Variants in MYO1E observed in about 807,000 individuals in gnomAD.
The protein encoded by MYO1E is myosin IE, also known as unconventional myosin-Ie.
MYO1E carries 68 observed loss-of-function variants against 151.1 expected under a neutral mutation model. The ratio of observed to expected loss-of-function variants is 0.45; its 90% confidence interval spans 0.37 to 0.55. The LOEUF is 0.55. MYO1E is among the 20% of genes least tolerant of loss of function. MYO1E has a pLI of 0.00. For synonymous variants in MYO1E, 601 were observed against 501.7 expected (o/e 1.20, Z -2.64); for missense variants, 1,363 against 1,389.3 (o/e 0.98, Z 0.30).
At chr15:59,160,714 G>A (rs575826693) in intron 24 of MYO1E, among the ~76,000 whole-genome samples, 24 of 152,040 alleles carry the variant, frequency 1.6e-4, no homozygotes, top group African/African-American at 4.8e-4. Context: ...CCACCACGCC[G>A]GGCCCAGTCA....
chr15:59,323,036 G>C (rs1270242631), intron 1 of MYO1E, among the ~76,000 whole-genome samples: 1 of 151,308 alleles, frequency 6.6e-6, no homozygotes, highest in Admixed American at 6.6e-5. Flanking sequence ...TGGTATGGTG[G>C]TGGGCACCTG....
chr15:59,154,263 C>T (rs1351345515), intron 25 of MYO1E, among the ~76,000 whole-genome samples: 1 of 152,116 alleles, frequency 6.6e-6, no homozygotes, highest in African/African-American at 2.4e-5. Context: ...CATCCATTTT[C>T]GAGGGGTCAA....
At chr15:59,239,936 C>T (rs80266580) in intron 4 of MYO1E, among the ~76,000 whole-genome samples, 1,875 of 152,224 alleles carry the variant, frequency 0.012, 46 homozygotes, top group African/African-American at 0.043. Context: ...GTTTCTTCTC[C>T]GGCACTAAAA....
At chr15:59,204,613 T>C (rs1031404006) in intron 15 of MYO1E, among the ~76,000 whole-genome samples, 1 of 152,072 alleles carries the variant, frequency 6.6e-6, no homozygotes, top group Non-Finnish European at 1.5e-5. Flanking sequence ...AAGGCAGAGG[T>C]GGTCTTGAGA....
At chr15:59,337,143 G>T (rs1194497016) in intron 1 of MYO1E, among the ~76,000 whole-genome samples, 1 of 152,074 alleles carries the variant, frequency 6.6e-6, no homozygotes, top group Non-Finnish European at 1.5e-5. Flanking sequence ...TCTTATGGAG[G>T]TGTTTTATTA....
rs1596446137 is a variant in MYO1E at position 59,367,371 on chromosome 15, A to T, written c.3+5127T>A. 2.0e-5 allele frequency among the ~76,000 whole-genome samples: 3 copies of T among 152,306 alleles called. No homozygotes were observed. In the South Asian group the frequency reaches 6.2e-4, roughly 32 times the overall value. ...ACAGACCGCCAATTCATGAGATTCA[A>T]CTGAAAAAGGAGTGAAAAACAAGAA... On this transcript the variant is annotated intron_variant, in intron 1 of 27. Coordinates refer to ENST00000288235, the MANE Select transcript of MYO1E (RefSeq NM_004998.4).
At chr15:59,170,291 AG>A (rs1212476273) in intron 22 of MYO1E, among the ~76,000 whole-genome samples, 1 of 152,210 alleles carries the variant, frequency 6.6e-6, no homozygotes, top group Non-Finnish European at 1.5e-5. Flanking sequence ...AATAACAGAA[AG>A]AACAAGTCAC....
At chr15:59,236,139 C>A (rs188564838) in intron 5 of MYO1E, among the ~76,000 whole-genome samples, 2 of 151,698 alleles carry the variant, frequency 1.3e-5, no homozygotes, top group African/African-American at 2.4e-5. Flanking sequence ...GTCAGGAGTT[C>A]GAGACCAGAC....
intron 1 of MYO1E, among the ~76,000 whole-genome samples, chr15:59,324,870 C>T (rs1567015127): frequency 6.6e-6 from 1 of 150,672 alleles, no homozygotes; most frequent in Non-Finnish European, 1.5e-5. Flanking sequence ...ATAGTCTCAA[C>T]TACAAGTACA....
chr15:59,370,884 A>C (rs2080940534), intron 1 of MYO1E, among the ~76,000 whole-genome samples: 1 of 152,164 alleles, frequency 6.6e-6, no homozygotes, highest in Non-Finnish European at 1.5e-5. Flanking sequence ...TGATTACAGC[A>C]ATTCTCAAGT....
intron 1 of MYO1E, among the ~76,000 whole-genome samples, chr15:59,332,517 C>G (rs1415823859): frequency 6.6e-6 from 1 of 152,170 alleles, no homozygotes; most frequent in Non-Finnish European, 1.5e-5. Flanking sequence ...ACACAGATTA[C>G]TAACCTGACA....
intron 1 of MYO1E, among the ~76,000 whole-genome samples, chr15:59,286,300 G>A (rs979242941): frequency 1.1e-4 from 17 of 152,178 alleles, no homozygotes; most frequent in African/African-American, 3.4e-4. Flanking sequence ...ATGCTGACAT[G>A]AGTTAACCAA....
At chr15:59,150,336 T>C (rs1016610188) in intron 26 of MYO1E, among the ~76,000 whole-genome samples, 1 of 152,186 alleles carries the variant, frequency 6.6e-6, no homozygotes, top group Non-Finnish European at 1.5e-5. Context: ...AAGACTTAAA[T>C]AGGGAACCAC....
intron 4 of MYO1E, among the ~76,000 whole-genome samples, chr15:59,238,087 G>C (rs1169014080): frequency 1.3e-5 from 2 of 152,132 alleles, no homozygotes; most frequent in African/African-American, 4.8e-5. Context: ...GTAAGCTACA[G>C]TAGCAAGTAG....
At chr15:59,286,776 C>CTCTGA (rs559386059) in intron 1 of MYO1E, among the ~76,000 whole-genome samples, 260 of 152,332 alleles carry the variant, frequency 1.7e-3, no homozygotes, top group Middle Eastern at 3.4e-3. Flanking sequence ...GCCTGATCTG[C>CTCTGA]TCTGATCTAT....
At chr15:59,253,767 C>T (rs1357841151) in intron 4 of MYO1E, among the ~76,000 whole-genome samples, 2 of 151,930 alleles carry the variant, frequency 1.3e-5, no homozygotes, top group Non-Finnish European at 2.9e-5. Context: ...CCACCACTCC[C>T]GGCGTCTAAT....
At chr15:59,200,149 GA>G (rs1436700753) in intron 16 of MYO1E, among the ~76,000 whole-genome samples, 1 of 152,080 alleles carries the variant, frequency 6.6e-6, no homozygotes, top group Non-Finnish European at 1.5e-5. Context: ...CTTTAAGGAG[GA>G]AAAAGTGTCC....
intron 1 of MYO1E, among the ~76,000 whole-genome samples, chr15:59,357,758 A>G (rs2080863309): frequency 6.6e-6 from 1 of 152,104 alleles, no homozygotes; most frequent in African/African-American, 2.4e-5. Flanking sequence ...CCAAGGAGGT[A>G]ATTTTCAATG....
chr15:59,318,117 T>C (rs888236458), intron 1 of MYO1E, among the ~76,000 whole-genome samples: 6 of 152,082 alleles, frequency 3.9e-5, no homozygotes, highest in African/African-American at 1.4e-4. Context: ...ATTTCATGAG[T>C]GCATGTGGTC....
Sources: allele counts gnomAD v4.1 joint callset (sites outside exome capture counted in the v4.1 genomes callset), GRCh38; gene constraint gnomAD v4.1.1; transcripts MANE v1.5; gene names NCBI Gene and HGNC (gene_info 2026-07-23, HGNC 2026-07-21).